Variants in CTNNA1 observed in about 807,000 individuals in gnomAD.
CTNNA1 encodes catenin alpha 1, also known as catenin alpha-1.
A neutral mutation model predicts 98.4 loss-of-function variants in CTNNA1; 37 were observed. That is an observed-to-expected ratio of 0.38 (90% CI 0.29 to 0.49). CTNNA1 has a LOEUF of 0.49. Ranked by LOEUF, CTNNA1 falls within the 20% of genes least tolerant of loss-of-function variation. CTNNA1 has a pLI of 0.95. For missense variants in CTNNA1, 761 were observed against 1,147.2 expected (o/e 0.66, Z 4.86); for synonymous variants, 404 against 413.2 (o/e 0.98, Z 0.27).
chr5:138,837,730 T>C (rs1195242857), intron 7 of CTNNA1, among the ~76,000 whole-genome samples: 1 of 151,812 alleles, frequency 6.6e-6, no homozygotes. Context: ...CAGGTGATTC[T>C]GCCATCTCAG....
chr5:138,867,470 T>TTTATC (rs1197140558), intron 7 of CTNNA1, among the ~76,000 whole-genome samples: 1 of 152,172 alleles, frequency 6.6e-6, no homozygotes, highest in Non-Finnish European at 1.5e-5. Context: ...CCTGAGGATG[T>TTTATC]TTATCTGTAG....
chr5:138,826,640 AG>A (rs1760747731), intron 6 of CTNNA1, among the ~76,000 whole-genome samples: 1 of 152,256 alleles, frequency 6.6e-6, no homozygotes. Context: ...CTTTGAGGAA[AG>A]GAAGTCTCTA....
chr5:138,776,684 C>G (rs1375419233), intron 1 of CTNNA1, among the ~76,000 whole-genome samples: 1 of 149,184 alleles, frequency 6.7e-6, no homozygotes, highest in African/African-American at 2.5e-5. Flanking sequence ...CTGACCCCCC[C>G]ACCTCCCTCC....
intron 9 of CTNNA1, among the ~76,000 whole-genome samples, chr5:138,902,199 T>C (rs1758186518): frequency 6.6e-6 from 1 of 152,236 alleles, no homozygotes; most frequent in Non-Finnish European, 1.5e-5. Context: ...ACTACCCTCA[T>C]GTGTCTGATG....
At chr5:138,810,931 A>C (rs1254786716) in intron 4 of CTNNA1, among the ~76,000 whole-genome samples, 1 of 127,028 alleles carries the variant, frequency 7.9e-6, no homozygotes, top group African/African-American at 2.9e-5. Flanking sequence ...TGACCCCCCC[A>C]CCTCCCTCCC....
chr5:138,767,812 A>G (rs1303246394), intron 1 of CTNNA1, among the ~76,000 whole-genome samples: 3 of 152,230 alleles, frequency 2.0e-5, no homozygotes, highest in South Asian at 2.1e-4. Flanking sequence ...GAAGAATAAC[A>G]TAACAGGCCC....
At chr5:138,753,878 CGCGCGCGGCA>C (rs1751295221) in intron 1 of CTNNA1, 1 of 157,826 alleles carries the variant, frequency 6.3e-6, no homozygotes, top group South Asian at 2.0e-4. Flanking sequence ...GCGGCCTCGG[CGCGCGCGGCA>C]GCCCCGCGCC....
intron 1 of CTNNA1, among the ~76,000 whole-genome samples, chr5:138,764,730 C>T (rs1561498835): frequency 2.0e-5 from 3 of 151,950 alleles, no homozygotes; most frequent in Admixed American, 2.0e-4. Flanking sequence ...CTCAGCCTCC[C>T]AAAGTGCTGG....
chr5:138,809,381 A>G (rs976107239), intron 3 of CTNNA1, among the ~76,000 whole-genome samples: 14 of 152,212 alleles, frequency 9.2e-5, no homozygotes, highest in African/African-American at 3.1e-4. Context: ...AGAAGCATAC[A>G]TTTATGATTT....
chr5:138,842,960 CATTTTCT>C (rs1762395289), intron 7 of CTNNA1, among the ~76,000 whole-genome samples: 1 of 152,146 alleles, frequency 6.6e-6, no homozygotes, highest in African/African-American at 2.4e-5. Context: ...CTCCATTAAC[CATTTTCT>C]TAAAACCACT....
intron 3 of CTNNA1, among the ~76,000 whole-genome samples, chr5:138,800,245 G>A (rs1203727036): frequency 6.6e-6 from 1 of 152,156 alleles, no homozygotes; most frequent in Non-Finnish European, 1.5e-5. Flanking sequence ...GTCAACACAA[G>A]ATAAAATGCA....
intron 7 of CTNNA1, among the ~76,000 whole-genome samples, chr5:138,866,180 C>T (rs955589896): frequency 5.3e-5 from 8 of 151,836 alleles, no homozygotes; most frequent in Non-Finnish European, 1.2e-4. Context: ...GTCTCATAAC[C>T]CGGTCTGGAA....
chr5:138,778,455 A>T (rs926298144), intron 1 of CTNNA1, among the ~76,000 whole-genome samples: 4 of 152,114 alleles, frequency 2.6e-5, no homozygotes, highest in South Asian at 2.1e-4. Flanking sequence ...GAGATACGTG[A>T]TGTGGGTTTG....
At chr5:138,789,361 GA>G (rs1252277242) in intron 3 of CTNNA1, among the ~76,000 whole-genome samples, 1 of 152,214 alleles carries the variant, frequency 6.6e-6, no homozygotes, top group Non-Finnish European at 1.5e-5. Context: ...ATCCAGGTAA[GA>G]AAAATAGACT....
chr5:138,887,673 A>G, intron 9 of CTNNA1, 31 bp downstream of exon 9: 1 of 1,587,852 alleles, frequency 6.3e-7, no homozygotes, highest in African/African-American at 1.4e-5. Context: ...ATTGACTTGT[A>G]GGCAACTTGG....
At chr5:138,756,988 T>G (rs1751725251) in intron 1 of CTNNA1, among the ~76,000 whole-genome samples, 1 of 151,188 alleles carries the variant, frequency 6.6e-6, no homozygotes, top group African/African-American at 2.4e-5. Context: ...CACTTGAAGC[T>G]AGGAGTTCAA....
chr5:138,853,026 A>G (rs1280018931), intron 7 of CTNNA1, among the ~76,000 whole-genome samples: 1 of 151,988 alleles, frequency 6.6e-6, no homozygotes, highest in East Asian at 1.9e-4. Flanking sequence ...ATTGCTGACT[A>G]CACTATGTAT....
intron 11 of CTNNA1, among the ~76,000 whole-genome samples, chr5:138,918,994 C>T (rs1303796419): frequency 6.6e-6 from 1 of 152,170 alleles, no homozygotes; most frequent in African/African-American, 2.4e-5. Context: ...ACACTCTCTC[C>T]TTAGGATGGG....
intron 9 of CTNNA1, among the ~76,000 whole-genome samples, chr5:138,900,980 T>C (rs1457558742): frequency 6.6e-6 from 1 of 152,204 alleles, no homozygotes; most frequent in African/African-American, 2.4e-5. Context: ...AGAGACATTT[T>C]AGTTGTTAAT....
Sources: gnomAD v4.1 joint callset for allele counts (sites outside exome capture counted in the v4.1 genomes callset) on GRCh38, gnomAD v4.1.1 for gene constraint, MANE v1.5 for transcripts, NCBI Gene and HGNC (gene_info 2026-07-23, HGNC 2026-07-21) for gene names.